The following TRPM7 variants were observed in gnomAD, a reference collection of about 807,000 sequenced individuals.
The protein encoded by TRPM7 is transient receptor potential cation channel subfamily M member 7, also known as LTRPC ion channel family member 7.
A neutral mutation model predicts 229.7 loss-of-function variants in TRPM7; 134 were observed. That is an observed-to-expected ratio of 0.58 (90% CI 0.51 to 0.67). The LOEUF (loss-of-function observed/expected upper bound fraction) is 0.67. Ranked by LOEUF, TRPM7 falls within the 30% of genes least tolerant of loss-of-function variation. The pLI is 0.00. For synonymous variants in TRPM7, 699 were observed against 715.2 expected (o/e 0.98, Z 0.36); for missense variants, 1,901 against 2,210.0 (o/e 0.86, Z 2.80).
At chr15:50,677,296 TG>T (rs1460412936) in intron 1 of TRPM7, among the ~76,000 whole-genome samples, 1 of 151,994 alleles carries the variant, frequency 6.6e-6, no homozygotes, top group Non-Finnish European at 1.5e-5. Context: ...CATCTACCCC[TG>T]ATTACCTCCA....
chr15:50,658,608 CAG>C (rs2061646199), intron 2 of TRPM7, among the ~76,000 whole-genome samples: 2 of 150,528 alleles, frequency 1.3e-5, no homozygotes, highest in African/African-American at 2.4e-5. Flanking sequence ...GGCAAGAATA[CAG>C]AGAGAGTCTG....
At chr15:50,615,085 G>C (rs1331021612) in intron 13 of TRPM7, among the ~76,000 whole-genome samples, 1 of 150,094 alleles carries the variant, frequency 6.7e-6, no homozygotes, top group African/African-American at 2.5e-5. Flanking sequence ...GTAGGAAAAT[G>C]GCGGGAGGCA....
intron 27 of TRPM7, chr15:50,586,710 T>C (rs1470281169): frequency 1.4e-5 from 5 of 359,230 alleles, no homozygotes; most frequent in African/African-American, 1.1e-4. Context: ...TCCATCCAAA[T>C]GAATTTTTTA....
intron 33 of TRPM7, 88 bp from the exon 34 acceptor site, chr15:50,575,223 T>G (rs1001434544): frequency 8.5e-7 from 1 of 1,176,746 alleles, no homozygotes; most frequent in East Asian, 2.5e-5. Context: ...CATCTTTGAT[T>G]AAGGAACAGA....
chr15:50,620,845 T>C (rs1257699719), intron 12 of TRPM7, among the ~76,000 whole-genome samples: 3 of 152,002 alleles, frequency 2.0e-5, no homozygotes, highest in Non-Finnish European at 2.9e-5. Context: ...GGTAGAAGAA[T>C]CGCTTGAACC....
intron 20 of TRPM7, 21 bp from the exon 21 acceptor site, chr15:50,605,165 A>C: frequency 6.5e-7 from 1 of 1,548,204 alleles, no homozygotes. Flanking sequence ...AACAACAACA[A>C]AAAAAAGTGT....
chr15:50,575,851 G>C lies in TRPM7; in HGVS notation c.4669+18C>G. 1 of 1,611,790 alleles carries C rather than the reference G, an allele frequency of 6.2e-7. No individual in the cohort carries two copies. Among genetic ancestry groups the C allele is most frequent in the Non-Finnish European group, 8.5e-7 (1 of 1,178,844 alleles). ...AAGGTCCAAAATGCTATTAAATTTT[G>C]TTTTTAATATTACTGACCTGAATAA... On this transcript the variant is annotated intron_variant, in intron 32 of 38. Transcript: ENST00000646667.
rs185260687 is a variant in TRPM7 at position 50,651,845 on chromosome 15, C to T, written c.123-2960G>A. ...GGGGTTGCAGTGAGCTGAGATCGCG[C>T]CACTGCACATCCAGCCTGGCGACGG... On this transcript the variant is annotated intron_variant, in intron 3 of 38. Coordinates refer to ENST00000646667, the MANE Select transcript of TRPM7 (RefSeq NM_017672.6). Among the ~76,000 whole-genome samples, 615 of 151,910 alleles carry T rather than the reference C, an allele frequency of 4.0e-3. 5 individuals are homozygous for T. The highest frequency in any genetic ancestry group is 0.014 in the African/African-American group (581 of 41,454).
At position 50,637,521 on chromosome 15, in the gene TRPM7, A is replaced by G; in HGVS notation, c.733T>C (p.Phe245Leu). ...LNVLNNLHSH[F>L]ILVDDGTVGK... The stretch of plus-strand genomic sequence containing the variant: ...ACAGTGCCATCATCCACCAATATGA[A>G]ATGGGAATGCAGATTATTCAAAACA... The change falls in exon 7 of 39, where the codon TTC (phenylalanine) becomes CTC (leucine). Residue 245 changes from phenylalanine (F) to leucine (L), a missense_variant. Phe to Leu is a conservative substitution (Grantham distance 22). Transcript: ENST00000646667. The G allele has an allele frequency of 6.2e-7, 1 of 1,614,156 alleles. No homozygotes were observed. The highest frequency in any genetic ancestry group is 2.2e-5 in the East Asian group (1 of 44,860).
chr15:50,639,637 G>C, intron 5 of TRPM7, 89 bp from the exon 6 acceptor site: 3 of 1,183,000 alleles, frequency 2.5e-6, no homozygotes. Flanking sequence ...CGCAATGACA[G>C]CTCACTGCAG....
chr15:50,667,114 A>C (rs112788958), intron 1 of TRPM7, among the ~76,000 whole-genome samples: 3,615 of 152,200 alleles, frequency 0.024, 136 homozygotes, highest in African/African-American at 0.082. Context: ...AATAGACTGC[A>C]GCATTGATTG....
At position 50,644,772 on chromosome 15, in the gene TRPM7, G is replaced by A. The variant is rs147225369; in HGVS notation, c.322-1219C>T. Among the ~76,000 whole-genome samples, 260 of 144,448 alleles carry A rather than the reference G, an allele frequency of 1.8e-3. 2 individuals are homozygous for A. Among genetic ancestry groups the A allele is most frequent in the African/African-American group, 6.8e-3 (250 of 36,984 alleles). 94.8% of individuals were successfully genotyped at this position (144,448 alleles called of 152,430 possible). On this transcript the variant is annotated intron_variant, in intron 4 of 38. Transcript: ENST00000646667. ...AGACTGTGCCATTGCACTCCAGGCT[G>A]GGCAACAAGAGCGAAACTGCGTCTC...
rs1227304363 is a variant in TRPM7 at position 50,561,425 on chromosome 15, A to C, written c.*253T>G. The C allele has an allele frequency of 5.2e-5, 20 of 381,304 alleles. No homozygotes were observed. In the East Asian group the frequency reaches 8.6e-4, roughly 16 times the overall value. The allele number at this position is 381,304 out of a possible 1,614,324, so 23.6% of individuals were successfully genotyped here. ...AAATGAGATCCTCTGCTATACAAAG[A>C]GCCCTTTAAAAAGTTATAAATACTA... is the stretch of plus-strand genomic sequence containing the variant. On this transcript the variant is annotated 3_prime_UTR_variant, in exon 39 of 39. Coordinates refer to ENST00000646667, the MANE Select transcript of TRPM7 (RefSeq NM_017672.6).
At chr15:50,604,751 C>G (rs1206207369) in intron 21 of TRPM7, 115 bp downstream of exon 21, 2 of 1,093,708 alleles carry the variant, frequency 1.8e-6, no homozygotes, top group African/African-American at 3.2e-5. Flanking sequence ...ATGAGGCAAA[C>G]AAACACAAAA....
intron 11 of TRPM7, among the ~76,000 whole-genome samples, chr15:50,626,283 A>G (rs2060556867): frequency 6.6e-6 from 1 of 152,134 alleles, no homozygotes; most frequent in Admixed American, 6.6e-5. Context: ...TTATGTAATT[A>G]CTTATGAAAT....
intron 1 of TRPM7, among the ~76,000 whole-genome samples, chr15:50,670,686 G>A (rs1355122373): frequency 2.6e-5 from 4 of 151,212 alleles, no homozygotes; most frequent in Non-Finnish European, 5.9e-5. Context: ...ATATAATCAG[G>A]AAATAACCAT....
chr15:50,679,538 A>ATTTTTTTTTT (rs58783893), intron 1 of TRPM7, among the ~76,000 whole-genome samples: 1 of 43,904 alleles, frequency 2.3e-5, no homozygotes, highest in African/African-American at 1.1e-4. Context: ...ATATATATAT[A>ATTTTTTTTTT]TTTTTTTTTT....
At chr15:50,617,257 C>T (rs916979269) in intron 13 of TRPM7, among the ~76,000 whole-genome samples, 1 of 151,176 alleles carries the variant, frequency 6.6e-6, no homozygotes, top group Non-Finnish European at 1.5e-5. Flanking sequence ...ATTGCTTGAA[C>T]CTGAGAGGCA....
At chr15:50,569,526 CCT>C (rs760408278) in intron 38 of TRPM7, among the ~76,000 whole-genome samples, 2 of 152,040 alleles carry the variant, frequency 1.3e-5, no homozygotes, top group East Asian at 3.9e-4. Context: ...TCTGTTTTTT[CCT>C]CTCTCTTGGC....
Sources: allele counts gnomAD v4.1 joint callset (sites outside exome capture counted in the v4.1 genomes callset), GRCh38; gene constraint gnomAD v4.1.1; transcripts MANE v1.5; gene names NCBI Gene and HGNC (gene_info 2026-07-23, HGNC 2026-07-21).